The following THSD7A variants were observed in gnomAD, a reference collection of about 807,000 sequenced individuals.
THSD7A encodes the protein thrombospondin type 1 domain containing 7A, also known as thrombospondin type-1 domain-containing protein 7A.
THSD7A carries 96 observed loss-of-function variants against 231.3 expected under a neutral mutation model. The ratio of observed to expected loss-of-function variants is 0.41; its 90% CI spans 0.35 to 0.49. THSD7A has a LOEUF of 0.49. THSD7A is among the 20% of genes least tolerant of loss of function. The pLI is 0.05. For missense variants in THSD7A, 2,290 were observed against 2,070.2 expected, an observed-to-expected ratio of 1.11 and a Z score of -2.06; for synonymous variants, 940 against 743.3, an observed-to-expected ratio of 1.26 and a Z score of -4.30.
chr7:11,428,869 C>A, intron 14 of THSD7A, 78 bp downstream of exon 14: 1 of 1,480,056 alleles, frequency 6.8e-7, no homozygotes, highest in Non-Finnish European at 9.1e-7. Context: ...CTATTATTTC[C>A]TCTTCTCCAT....
At chr7:11,599,356 CAGA>C (rs1435002886) in intron 2 of THSD7A, among the ~76,000 whole-genome samples, 2 of 152,156 alleles carry the variant, frequency 1.3e-5, no homozygotes, top group Non-Finnish European at 2.9e-5. Context: ...GAATGAGTAG[CAGA>C]AGAAGGTAGT....
chr7:11,488,858 T>C (rs1422423733), intron 6 of THSD7A, among the ~76,000 whole-genome samples: 1 of 152,126 alleles, frequency 6.6e-6, no homozygotes, highest in South Asian at 2.1e-4. Context: ...GACATGCTGC[T>C]TTTTCACTCC....
intron 1 of THSD7A, among the ~76,000 whole-genome samples, chr7:11,668,153 G>A (rs1057211146): frequency 6.6e-6 from 1 of 152,082 alleles, no homozygotes; most frequent in South Asian, 2.1e-4. Context: ...AGAAATGGAA[G>A]GCCGGGCATG....
intron 2 of THSD7A, among the ~76,000 whole-genome samples, chr7:11,633,141 T>A (rs558261534): frequency 7.7e-4 from 117 of 152,272 alleles, no homozygotes; most frequent in African/African-American, 2.8e-3. Context: ...ACTCATTCTG[T>A]TTTTAAATTC....
intron 1 of THSD7A, among the ~76,000 whole-genome samples, chr7:11,678,797 G>A (rs899922304): frequency 6.6e-6 from 1 of 152,102 alleles, no homozygotes; most frequent in Non-Finnish European, 1.5e-5. Context: ...CATTCCTCCT[G>A]AAACTATTCC....
At chr7:11,788,439 C>T (rs1001013285) in intron 1 of THSD7A, among the ~76,000 whole-genome samples, 1 of 152,034 alleles carries the variant, frequency 6.6e-6, no homozygotes, top group Non-Finnish European at 1.5e-5. Flanking sequence ...TCCCCCCAAT[C>T]CTCATGCCCA....
intron 6 of THSD7A, among the ~76,000 whole-genome samples, chr7:11,534,906 T>A (rs1788852497): frequency 6.6e-6 from 1 of 152,182 alleles, no homozygotes; most frequent in African/African-American, 2.4e-5. Flanking sequence ...CTACTTGGGA[T>A]GCTAAGGCAG....
intron 1 of THSD7A, among the ~76,000 whole-genome samples, chr7:11,735,591 A>C (rs1781889045): frequency 6.6e-6 from 1 of 151,918 alleles, no homozygotes; most frequent in Non-Finnish European, 1.5e-5. Flanking sequence ...AAAATCTGAA[A>C]TTCAAAACAT....
chr7:11,523,916 T>C (rs1788369954), intron 6 of THSD7A, among the ~76,000 whole-genome samples: 1 of 152,138 alleles, frequency 6.6e-6, no homozygotes, highest in South Asian at 2.1e-4. Context: ...GGGATATGGT[T>C]CCTTAGAATA....
chr7:11,385,575 G>T (rs975999997), intron 23 of THSD7A: 2 of 151,486 alleles, frequency 1.3e-5, no homozygotes, highest in Non-Finnish European at 2.9e-5. Context: ...TACATTAAGA[G>T]ATTTTATTAA....
chr7:11,658,765 C>A (rs965913739), intron 1 of THSD7A, among the ~76,000 whole-genome samples: 4 of 151,630 alleles, frequency 2.6e-5, no homozygotes, highest in Non-Finnish European at 4.4e-5. Context: ...ATAAGGAATT[C>A]TAAAGCAGAG....
intron 1 of THSD7A, among the ~76,000 whole-genome samples, chr7:11,654,783 T>G (rs1417713837): frequency 6.6e-6 from 1 of 151,816 alleles, no homozygotes; most frequent in Non-Finnish European, 1.5e-5. Flanking sequence ...GATTGAAAAA[T>G]CACAGTAAGG....
chr7:11,502,253 A>G (rs1026316395), intron 6 of THSD7A, among the ~76,000 whole-genome samples: 5 of 152,176 alleles, frequency 3.3e-5, no homozygotes, highest in African/African-American at 1.2e-4. Context: ...TTCCAAAAGG[A>G]TTAGGAGGAG....
At chr7:11,732,119 C>T (rs867157411) in intron 1 of THSD7A, among the ~76,000 whole-genome samples, 2 of 151,376 alleles carry the variant, frequency 1.3e-5, no homozygotes, top group African/African-American at 4.8e-5. Flanking sequence ...ATAATATTAG[C>T]TGAAAAAAGA....
intron 4 of THSD7A, among the ~76,000 whole-genome samples, chr7:11,566,965 T>TAGCGGGAG: frequency 1.1e-5 from 1 of 92,302 alleles, no homozygotes; most frequent in African/African-American, 5.6e-5. Context: ...TGTGGGAGAG[T>TAGCGGGAG]GGGGGGGGGA....
intron 1 of THSD7A, among the ~76,000 whole-genome samples, chr7:11,648,294 T>C (rs1321430253): frequency 3.9e-5 from 6 of 152,084 alleles, no homozygotes; most frequent in African/African-American, 1.2e-4. Flanking sequence ...CAAAATATTA[T>C]GCTAAGCCTA....
rs553506101 is a variant in THSD7A at position 11,750,487 on chromosome 7, T to G, written c.190+81270A>C. Among the ~76,000 whole-genome samples the G allele has an allele frequency of 1.3e-4, 20 of 152,140 alleles. 1 individual carries two copies. In the South Asian group the frequency reaches 3.9e-3, roughly 30 times the overall value. On this transcript the variant is annotated intron_variant, in intron 1 of 27. Transcript: ENST00000423059. ...CTTGTTCCCTTTTTTAATTGTAACA[T>G]TGGTCCTGAAAGCTCATATTCTGAC... is the stretch of plus-strand genomic sequence containing the variant.
intron 14 of THSD7A, among the ~76,000 whole-genome samples, chr7:11,428,170 T>C (rs989110459): frequency 2.0e-5 from 3 of 152,186 alleles, no homozygotes; most frequent in African/African-American, 4.8e-5. Context: ...ATTCATTTGA[T>C]TGTGATTTAA....
chr7:11,429,068 C>T lies in THSD7A; in HGVS notation c.3122G>A (p.Trp1041Ter). Residue 1041 changes from tryptophan to a stop codon, truncating the protein, a stop_gained, in exon 14 of 28, where the codon TGG becomes TAG. Transcript: ENST00000423059. LOFTEE classifies it high-confidence loss of function. ...PCPSDCKLSE[W>*]SNWSRCSKSC... ...CTTGCTGCAGCGCGACCAGTTGGACCACTCACTGAGCTTGCAGTCTGAGGG... is the reference window on the plus strand; with the variant it reads ...CTTGCTGCAGCGCGACCAGTTGGACTACTCACTGAGCTTGCAGTCTGAGGG... 5 of 1,612,658 alleles carry T rather than the reference C, an allele frequency of 3.1e-6. No individual in the cohort carries two copies. Among genetic ancestry groups the T allele is most frequent in the Non-Finnish European group, 4.2e-6 (5 of 1,179,354 alleles).
Sources: gnomAD v4.1 joint callset for allele counts (sites outside exome capture counted in the v4.1 genomes callset) on GRCh38, gnomAD v4.1.1 for gene constraint, MANE v1.5 for transcripts, NCBI Gene and HGNC (gene_info 2026-07-23, HGNC 2026-07-21) for gene names.